Variants in NCOA2 observed in about 807,000 individuals in gnomAD.
NCOA2 encodes class E basic helix-loop-helix protein 75.
Under a neutral mutation model 145.1 loss-of-function variants are expected in NCOA2, and 21 were observed. The observed-to-expected ratio is 0.14, with a 90% CI of 0.10 to 0.21. The LOEUF (loss-of-function observed/expected upper bound fraction) is 0.21, where lower values mean the gene tolerates loss of function less well. Among genes scored for constraint, NCOA2 ranks in the 10% least tolerant of loss-of-function variants. The probability of loss-of-function intolerance (pLI) is 1.00; values close to 1 mark genes in which losing one functional copy is unlikely to be tolerated. For synonymous variants in NCOA2, 619 were observed against 637.5 expected (o/e 0.97, Z 0.44); for missense variants, 1,472 against 1,837.6 (o/e 0.80, Z 3.64).
the NCOA2 span, among the ~76,000 whole-genome samples, chr8:70,445,996 T>A: frequency 6.6e-6 from 1 of 152,052 alleles, no homozygotes; most frequent in African/African-American, 2.4e-5. Flanking sequence ...CTAGAAATTA[T>A]ACCCTATACT....
chr8:70,276,432 AT>A (rs1825473591), intron 2 of NCOA2, among the ~76,000 whole-genome samples: 1 of 152,190 alleles, frequency 6.6e-6, no homozygotes, highest in Non-Finnish European at 1.5e-5. Flanking sequence ...GTACACTGAT[AT>A]AGTTTGGTTG....
At chr8:70,446,012 T>G in the NCOA2 span, among the ~76,000 whole-genome samples, 1 of 151,996 alleles carries the variant, frequency 6.6e-6, no homozygotes, top group Non-Finnish European at 1.5e-5. Flanking sequence ...ATACTATGGG[T>G]TGGTTCACTA....
intron 4 of NCOA2, among the ~76,000 whole-genome samples, chr8:70,206,851 C>A (rs1031825211): frequency 3.9e-5 from 6 of 152,200 alleles, no homozygotes; most frequent in African/African-American, 1.2e-4. Context: ...CACGCCCAGC[C>A]CCGACTTTTT....
At chr8:70,394,984 G>A (rs778028382) in intron 1 of NCOA2, among the ~76,000 whole-genome samples, 37 of 152,162 alleles carry the variant, frequency 2.4e-4, no homozygotes, top group South Asian at 8.3e-4. Flanking sequence ...TCTTCACTAA[G>A]TGTTTTTGGC....
At chr8:70,308,479 A>G (rs911163687) in intron 1 of NCOA2, among the ~76,000 whole-genome samples, 11 of 151,986 alleles carry the variant, frequency 7.2e-5, no homozygotes, top group South Asian at 2.1e-4. Context: ...ATACACATAT[A>G]TGTGTGTGTG....
chr8:70,393,317 T>C (rs1030340256), intron 1 of NCOA2, among the ~76,000 whole-genome samples: 3 of 152,214 alleles, frequency 2.0e-5, no homozygotes, highest in African/African-American at 4.8e-5. Context: ...AGCATTGCCA[T>C]TCTGTTCCAC....
chr8:70,369,457 T>C (rs186425427), intron 1 of NCOA2, among the ~76,000 whole-genome samples: 270 of 152,324 alleles, frequency 1.8e-3, no homozygotes, highest in Non-Finnish European at 1.8e-3. Flanking sequence ...CCCATCATAA[T>C]AGAACAGAGA....
chr8:70,163,003 C>T (rs1813216768), intron 8 of NCOA2, 149 bp from the exon 9 acceptor site: 2 of 718,600 alleles, frequency 2.8e-6, no homozygotes, highest in Non-Finnish European at 4.2e-6. Flanking sequence ...CAACCTCTAC[C>T]TCCTGGGGTC....
intron 1 of NCOA2, among the ~76,000 whole-genome samples, chr8:70,318,883 GT>G (rs1056957779): frequency 2.6e-4 from 40 of 152,312 alleles, no homozygotes; most frequent in African/African-American, 9.4e-4. Flanking sequence ...ACTGTATCCA[GT>G]TTTAGCAGAA....
chr8:70,171,206 G>C (rs922706982), intron 5 of NCOA2, among the ~76,000 whole-genome samples: 14 of 152,194 alleles, frequency 9.2e-5, no homozygotes, highest in Non-Finnish European at 1.6e-4. Context: ...ATCATTTCAG[G>C]AAGTTGAGAT....
intron 22 of NCOA2, among the ~76,000 whole-genome samples, chr8:70,119,310 ATT>A (rs968500588): frequency 6.6e-6 from 1 of 152,164 alleles, no homozygotes; most frequent in Non-Finnish European, 1.5e-5. Context: ...TGCAATAGAT[ATT>A]TGTCTTTTTG....
At chr8:70,387,783 A>T (rs867484403) in intron 1 of NCOA2, among the ~76,000 whole-genome samples, 1 of 152,170 alleles carries the variant, frequency 6.6e-6, no homozygotes, top group Non-Finnish European at 1.5e-5. Flanking sequence ...TCATAAAGGG[A>T]ACACAGCTTC....
At chr8:70,441,782 GAGAAAGAAAGAAAGAAAGAA>G in the NCOA2 span, among the ~76,000 whole-genome samples, 15 of 139,282 alleles carry the variant, frequency 1.1e-4, no homozygotes, top group Admixed American at 2.2e-4. Context: ...AAAGAAAGAA[GAGAAAGAAAGAAAGAAAGAA>G]AGAAAGAAAG....
At chr8:70,205,078 T>G (rs1303706183) in intron 4 of NCOA2, among the ~76,000 whole-genome samples, 1 of 152,058 alleles carries the variant, frequency 6.6e-6, no homozygotes, top group African/African-American at 2.4e-5. Context: ...AATCTGTCAT[T>G]CAGTGGGTGA....
chr8:70,257,595 G>A (rs1823737661), intron 2 of NCOA2, among the ~76,000 whole-genome samples: 1 of 152,192 alleles, frequency 6.6e-6, no homozygotes, highest in Non-Finnish European at 1.5e-5. Flanking sequence ...GGCCTCCCCT[G>A]TGCTTTGCTA....
chr8:70,397,528 T>C (rs1813789543), intron 1 of NCOA2, among the ~76,000 whole-genome samples: 1 of 151,024 alleles, frequency 6.6e-6, no homozygotes, highest in Non-Finnish European at 1.5e-5. Context: ...AGCAGAATAC[T>C]TGCACAAGGC....
intron 1 of NCOA2, among the ~76,000 whole-genome samples, chr8:70,352,123 T>A (rs1182347516): frequency 6.6e-6 from 1 of 152,184 alleles, no homozygotes; most frequent in Non-Finnish European, 1.5e-5. Context: ...TGTTTTAAAA[T>A]ATATACTAGT....
chr8:70,113,298 T>C lies in NCOA2; in HGVS notation c.*334A>G. Reference sequence around the variant, plus strand: ...GAACAAGAGCATGGTTCTCCTTAAATACATACATTTAAATACATTCAATCT... The same window carrying C: ...GAACAAGAGCATGGTTCTCCTTAAACACATACATTTAAATACATTCAATCT... On this transcript the variant is annotated 3_prime_UTR_variant, in exon 23 of 23. Transcript: ENST00000452400. 2.5e-6 allele frequency: 1 copy of C among 397,418 alleles called. No homozygotes were observed. The highest frequency in any genetic ancestry group is 4.6e-6 in the Non-Finnish European group (1 of 219,236). The allele number at this position is 397,418 out of a possible 1,614,324, so 24.6% of individuals were successfully genotyped here. A position where few individuals can be genotyped will look rare whatever the true frequency, so the allele number is the denominator to read the frequency against.
At chr8:70,154,300 A>G (rs950463640) in intron 11 of NCOA2, among the ~76,000 whole-genome samples, 10 of 152,234 alleles carry the variant, frequency 6.6e-5, no homozygotes, top group Non-Finnish European at 1.0e-4. Context: ...AGTATAGGGC[A>G]TATTCAGGGA....
Sources: allele counts gnomAD v4.1 joint callset (sites outside exome capture counted in the v4.1 genomes callset), GRCh38; gene constraint gnomAD v4.1.1; transcripts MANE v1.5; gene names NCBI Gene and HGNC (gene_info 2026-07-23, HGNC 2026-07-21).